Variants in OR1C1 observed in about 807,000 individuals in gnomAD.
OR1C1 encodes olfactory receptor family 1 subfamily C member 1.
For missense variants in OR1C1, 407 were observed against 384.3 expected (o/e 1.06, Z -0.49); for synonymous variants, 153 against 154.6 (o/e 0.99, Z 0.08).
Position 247,756,641 on chromosome 1 carries a change from A to G in OR1C1, c.*821T>C, listed in dbSNP as rs1661214499. On this transcript the variant is annotated 3_prime_UTR_variant, in exon 2 of 2. Coordinates refer to ENST00000641256, the MANE Select transcript of OR1C1 (RefSeq NM_012353.3). The surrounding 1 kb of genome is among the most constrained non-coding windows in gnomAD (Gnocchi z 4.3). Reference sequence around the variant, plus strand: ...TATTTAATTGAATGACCTCAAATATAATTATTTTTGCATACAGTATGTTAA... The same window carrying G: ...TATTTAATTGAATGACCTCAAATATGATTATTTTTGCATACAGTATGTTAA... The G allele has an allele frequency of 2.0e-5, 3 of 152,210 alleles. No individual in the cohort carries two copies. Among genetic ancestry groups the G allele is most frequent in the Admixed American group, 2.0e-4 (3 of 15,274 alleles). 9.4% of individuals were successfully genotyped at this position (152,210 alleles called of 1,614,324 possible).
chr1:247,755,446 A>T lies in OR1C1; in HGVS notation c.*2016T>A, dbSNP rs1386393758. On this transcript the variant is annotated 3_prime_UTR_variant, in exon 2 of 2. Coordinates refer to ENST00000641256, the MANE Select transcript of OR1C1 (RefSeq NM_012353.3). ...AATATTCAAAGTATATAAGGAGTTCAAATAACTCAGTAGCAAAAAACTGCC... is the reference window on the plus strand; with the variant it reads ...AATATTCAAAGTATATAAGGAGTTCTAATAACTCAGTAGCAAAAAACTGCC... 1 of 152,202 alleles carries T rather than the reference A, an allele frequency of 6.6e-6. No individual in the cohort carries two copies. The highest frequency in any genetic ancestry group is 1.9e-4 in the East Asian group (1 of 5,198). The allele number at this position is 152,202 out of a possible 1,614,324, so 9.4% of individuals were successfully genotyped here. A position where few individuals can be genotyped will look rare whatever the true frequency, so the allele number is the denominator to read the frequency against.
Position 247,758,260 on chromosome 1 carries a change from A to C in OR1C1, c.147T>G (p.Ile49Met). ...GGGAATGGAGGTGAGAGTCAAAGCC[A>C]ATCGTCGCAATGATGAGCATGTTCC... The part of the protein sequence containing the change: ...TLGNMLIIAT[I>M]GFDSHLHSPM... Residue 49 changes from isoleucine to methionine, a missense_variant, in exon 2 of 2, where the codon ATT (isoleucine) becomes ATG (methionine). Ile to Met is a conservative substitution (Grantham distance 10). Coordinates refer to ENST00000641256, the MANE Select transcript of OR1C1 (RefSeq NM_012353.3). 1 of 1,614,064 alleles carries C rather than the reference A, an allele frequency of 6.2e-7. No homozygotes were observed. Among genetic ancestry groups the C allele is most frequent in the Non-Finnish European group, 8.5e-7 (1 of 1,179,992 alleles).
In OR1C1 at chr1:247,760,403, A is replaced by G. The variant is rs1661310485; in HGVS notation, c.-14+9T>C. On this transcript the variant is annotated intron_variant, in intron 1 of 1. Coordinates refer to ENST00000641256, the MANE Select transcript of OR1C1 (RefSeq NM_012353.3). ...ACTAAAACAAAGAAAAAAATGTATG[A>G]ATACATACCCTTTTCTGAGACCTTT... The G allele has an allele frequency of 6.6e-6, 1 of 152,166 alleles. No homozygotes were observed. The highest frequency in any genetic ancestry group is 1.5e-5 in the Non-Finnish European group (1 of 68,010). The allele number at this position is 152,166 out of a possible 1,614,324, so 9.4% of individuals were successfully genotyped here.
rs1043819619 is a variant in OR1C1, at chr1:247,757,343, T to C, written c.*119A>G. The stretch of plus-strand genomic sequence containing the variant: ...AATTCATATAAAGTGCTTAACACGA[T>C]TTCCAGCATAAGGGAGACATTTAAT... On this transcript the variant is annotated 3_prime_UTR_variant, in exon 2 of 2. Transcript: ENST00000641256. The C allele has an allele frequency of 4.1e-6, 3 of 735,492 alleles. No individual in the cohort carries two copies. Among genetic ancestry groups the C allele is most frequent in the Admixed American group, 2.5e-5 (1 of 40,196 alleles). The allele number at this position is 735,492 out of a possible 1,614,324, so 45.6% of individuals were successfully genotyped here.
chr1:247,756,659 T>C lies in OR1C1; in HGVS notation c.*803A>G, dbSNP rs1384728898. 4 of 152,220 alleles carry C rather than the reference T, an allele frequency of 2.6e-5. No homozygotes were observed. The highest frequency in any genetic ancestry group is 4.4e-5 in the Non-Finnish European group (3 of 68,032). The allele number at this position is 152,220 out of a possible 1,614,324, so 9.4% of individuals were successfully genotyped here. ...CAAATATAATTATTTTTGCATACAGTATGTTAATTTTTTGTTAGGAAAGCA... is the reference window on the plus strand; with the variant it reads ...CAAATATAATTATTTTTGCATACAGCATGTTAATTTTTTGTTAGGAAAGCA... On this transcript the variant is annotated 3_prime_UTR_variant, in exon 2 of 2. Coordinates refer to ENST00000641256, the MANE Select transcript of OR1C1 (RefSeq NM_012353.3). The surrounding 1 kb of genome is among the most constrained non-coding windows in gnomAD (Gnocchi z 4.3).
Position 247,755,308 on chromosome 1 carries a change from G to A in OR1C1, c.*2154C>T, listed in dbSNP as rs569395049. On this transcript the variant is annotated 3_prime_UTR_variant, in exon 2 of 2. Transcript: ENST00000641256. ...ATTGACAAAACTAAAATTAACAAGC[G>A]CTAGTAAATTAAACTAAAAGTCTTT... The A allele has an allele frequency of 2.5e-4, 38 of 151,994 alleles. No homozygotes were observed. Among genetic ancestry groups the A allele is most frequent in the Non-Finnish European group, 4.0e-4 (27 of 67,980 alleles). 9.4% of individuals were successfully genotyped at this position (151,994 alleles called of 1,614,324 possible).
At position 247,757,347 on chromosome 1, in the gene OR1C1, C is replaced by T. The variant is rs1342475346; in HGVS notation, c.*115G>A. 2 of 749,774 alleles carry T rather than the reference C, an allele frequency of 2.7e-6. No individual in the cohort carries two copies. 46.4% of individuals were successfully genotyped at this position (749,774 alleles called of 1,614,324 possible). Reference sequence around the variant, plus strand: ...CATATAAAGTGCTTAACACGATTTCCAGCATAAGGGAGACATTTAATAGCA... The same window carrying T: ...CATATAAAGTGCTTAACACGATTTCTAGCATAAGGGAGACATTTAATAGCA... On this transcript the variant is annotated 3_prime_UTR_variant, in exon 2 of 2. Transcript: ENST00000641256.
chr1:247,757,970 G>A lies in OR1C1; in HGVS notation c.437C>T (p.Ala146Val). Residue 146 changes from alanine to valine, a missense_variant, in exon 2 of 2, where the codon GCT becomes GTT. Coordinates refer to ENST00000641256, the MANE Select transcript of OR1C1 (RefSeq NM_012353.3). ...MNLCLCVQLV[A>V]GLWLVTYLHA... ...GAGGTAAGTAACAAGCCACAGTCCA[G>A]CCACTAGCTGGACACAAAGGCACAG... 1.2e-6 allele frequency: 2 copies of A among 1,614,108 alleles called. No individual in the cohort carries two copies. Among genetic ancestry groups the A allele is most frequent in the Non-Finnish European group, 1.7e-6 (2 of 1,180,002 alleles).
In OR1C1 at chr1:247,757,720, G is replaced by A; in HGVS notation, c.687C>T (p.Thr229=). 6.2e-7 allele frequency: 1 copy of A among 1,614,054 alleles called. No homozygotes were observed. The highest frequency in any genetic ancestry group is 8.5e-7 in the Non-Finnish European group (1 of 1,180,000). Residue 229 remains threonine, a synonymous_variant, in exon 2 of 2, where the codon ACC becomes ACT. Transcript: ENST00000641256. ...CAGCTCTCTGCTTGCCCTGAGTAGA[G>A]GTGATCTTCAGAACAGTGGAGAAGA... ...GLIFSTVLKI[T]STQGKQRAVS...
Position 247,757,866 on chromosome 1 carries a change from G to T in OR1C1, c.541C>A (p.Leu181Ile). The change falls in exon 2 of 2, where the codon CTC becomes ATC. Residue 181 changes from leucine (L) to isoleucine (I), a missense_variant. By Grantham distance (5) the Leu-to-Ile change is conservative (BLOSUM62 2). Coordinates refer to ENST00000641256, the MANE Select transcript of OR1C1 (RefSeq NM_012353.3). Reference protein sequence around the residue: ...SNIIHHFFCDLNPLLQLSCSD... With the variant: ...SNIIHHFFCDINPLLQLSCSD... The stretch of plus-strand genomic sequence containing the variant: ...CAAGAGAGCTGCAGGAGAGGATTGA[G>T]ATCACAGAAGAAATGATGGATGATA... 1 of 1,614,006 alleles carries T rather than the reference G, an allele frequency of 6.2e-7. No individual in the cohort carries two copies. Among genetic ancestry groups the T allele is most frequent in the East Asian group, 2.2e-5 (1 of 44,868 alleles).
In OR1C1 at chr1:247,758,218, A is replaced by G; in HGVS notation, c.189T>C (p.Leu63=). 6.2e-7 allele frequency: 1 copy of G among 1,614,062 alleles called. No homozygotes were observed. Among genetic ancestry groups the G allele is most frequent in the Non-Finnish European group, 8.5e-7 (1 of 1,179,982 alleles). The change falls in exon 2 of 2, where the codon CTT becomes CTC. Residue 63 remains leucine, a synonymous_variant. Coordinates refer to ENST00000641256, the MANE Select transcript of OR1C1 (RefSeq NM_012353.3). The part of the protein sequence containing the change: ...SHLHSPMYFF[L]SNLAFVDICF... ...AGATGTCAACAAAGGCCAAGTTACT[A>G]AGGAAGAAGTACATAGGGGAATGGA...
Position 247,758,021 on chromosome 1 carries a change from G to A in OR1C1, c.386C>T (p.Pro129Leu). ...AYDRYVAICH[P>L]LHYTARMNLC... ...GTTCATTCTGGCGGTGTAATGTAAG[G>A]GGTGGCAAATCGCCACATATCTATC... is the stretch of plus-strand genomic sequence containing the variant. The change falls in exon 2 of 2, where the codon CCC becomes CTC. Residue 129 changes from proline to leucine, a missense_variant. Coordinates refer to ENST00000641256, the MANE Select transcript of OR1C1 (RefSeq NM_012353.3). The A allele has an allele frequency of 1.6e-5, 26 of 1,614,048 alleles. No homozygotes were observed. Among genetic ancestry groups the A allele is most frequent in the Non-Finnish European group, 1.9e-5 (22 of 1,180,018 alleles).
At position 247,758,386 on chromosome 1, in the gene OR1C1, T is replaced by C. The variant is rs746736273; in HGVS notation, c.21A>G (p.Thr7=). The change falls in exon 2 of 2, where the codon ACA becomes ACG. Residue 7 remains threonine (T), a synonymous_variant. Coordinates refer to ENST00000641256, the MANE Select transcript of OR1C1 (RefSeq NM_012353.3). ...CCAGAAGGACGAATTCCCTGACAAC[T>C]GTTAGATTTCTTTTTTCCATATTCC... The part of the protein sequence containing the change: MEKRNL[T]VVREFVLLGL... 1.2e-6 allele frequency: 2 copies of C among 1,605,932 alleles called. No individual in the cohort carries two copies. Among genetic ancestry groups the C allele is most frequent in the Non-Finnish European group, 1.7e-6 (2 of 1,175,150 alleles).
intron 1 of OR1C1, among the ~76,000 whole-genome samples, chr1:247,758,886 T>A (rs1474271762): frequency 6.6e-6 from 1 of 152,160 alleles, no homozygotes; most frequent in Non-Finnish European, 1.5e-5. Context: ...ATCCTCATGT[T>A]AGCTTTCTTT....
Position 247,756,485 on chromosome 1 carries a change from A to T in OR1C1, c.*977T>A, listed in dbSNP as rs2103232643. ...AAATTACAGAGGTCTGTGAGCAGAC[A>T]TTTTAATTCTAGAAAAGGACAAGCA... On this transcript the variant is annotated 3_prime_UTR_variant, in exon 2 of 2. Coordinates refer to ENST00000641256, the MANE Select transcript of OR1C1 (RefSeq NM_012353.3). This position sits in a 1 kb window ranked among gnomAD's most constrained non-coding sequence, Gnocchi z 4.3. 1 of 152,288 alleles carries T rather than the reference A, an allele frequency of 6.6e-6. No individual in the cohort carries two copies. 9.4% of individuals were successfully genotyped at this position (152,288 alleles called of 1,614,324 possible).
In OR1C1 at chr1:247,757,389, A is replaced by T; in HGVS notation, c.*73T>A. 1 of 1,169,906 alleles carries T rather than the reference A, an allele frequency of 8.5e-7. No homozygotes were observed. Among genetic ancestry groups the T allele is most frequent in the Non-Finnish European group, 1.2e-6 (1 of 816,972 alleles). The allele number at this position is 1,169,906 out of a possible 1,614,324, so 72.5% of individuals were successfully genotyped here. On this transcript the variant is annotated 3_prime_UTR_variant, in exon 2 of 2. Transcript: ENST00000641256. ...TTAATAGCAGTTGGTTTCTCTTCTCACTGTTATTGTGAGCATCTAGTCACA... is the reference window on the plus strand; with the variant it reads ...TTAATAGCAGTTGGTTTCTCTTCTCTCTGTTATTGTGAGCATCTAGTCACA...
chr1:247,758,593 TTC>T (rs1413145446), intron 1 of OR1C1, 174 bp from the exon 2 acceptor site: 2 of 555,052 alleles, frequency 3.6e-6, no homozygotes, highest in Non-Finnish European at 6.4e-6. Flanking sequence ...GTTCATGATA[TTC>T]TGTCTTCATA....
rs1184911545 is a variant in OR1C1, at chr1:247,757,409, G to A, written c.*53C>T. The A allele has an allele frequency of 2.9e-6, 4 of 1,366,676 alleles. No individual in the cohort carries two copies. The South Asian group carries it at 5.1e-5, about 17-fold the overall frequency. The allele number at this position is 1,366,676 out of a possible 1,614,324, so 84.7% of individuals were successfully genotyped here. A position where few individuals can be genotyped will look rare whatever the true frequency, so the allele number is the denominator to read the frequency against. The stretch of plus-strand genomic sequence containing the variant: ...TTCTCACTGTTATTGTGAGCATCTA[G>A]TCACACTTTCTTATCACCACATTAG... On this transcript the variant is annotated 3_prime_UTR_variant, in exon 2 of 2. Coordinates refer to ENST00000641256, the MANE Select transcript of OR1C1 (RefSeq NM_012353.3).
chr1:247,756,346 T>A lies in OR1C1; in HGVS notation c.*1116A>T, dbSNP rs1208013356. On this transcript the variant is annotated 3_prime_UTR_variant, in exon 2 of 2. Transcript: ENST00000641256. The surrounding 1 kb of genome is among the most constrained non-coding windows in gnomAD (Gnocchi z 4.3). ...ATTGTTGCTTTTTTGAAGAAACTTT[T>A]TTTCCCTGAATGGATTTAAATTTTC... 3.3e-5 allele frequency: 5 copies of A among 152,194 alleles called. No individual in the cohort carries two copies. In the East Asian group the frequency reaches 9.6e-4, roughly 29 times the overall value. The allele number at this position is 152,194 out of a possible 1,614,324, so 9.4% of individuals were successfully genotyped here.
Sources: allele counts gnomAD v4.1 joint callset (sites outside exome capture counted in the v4.1 genomes callset), GRCh38; gene constraint gnomAD v4.1.1; non-coding constraint Gnocchi (gnomAD v3.1); transcripts MANE v1.5; gene names NCBI Gene and HGNC (gene_info 2026-07-23, HGNC 2026-07-21).